LRP1B: variants seen among roughly 807,000 people sequenced by gnomAD.
LRP1B encodes LDL receptor related protein 1B, also known as low-density lipoprotein receptor-related protein 1B.
A neutral mutation model predicts 556.6 loss-of-function variants in LRP1B; 217 were observed. The ratio of observed to expected loss-of-function variants is 0.39; its 90% CI spans 0.35 to 0.44. LRP1B has a LOEUF of 0.44. Ranked by LOEUF, LRP1B falls within the 20% of genes least tolerant of loss-of-function variation. LRP1B has a pLI of 1.00. For missense variants in LRP1B, 5,053 were observed against 5,620.8 expected, an observed-to-expected ratio of 0.90 and a Z score of 3.23; for synonymous variants, 2,047 against 1,865.8, an observed-to-expected ratio of 1.10 and a Z score of -2.50.
At position 140,442,508 on chromosome 2, in the gene LRP1B, G is replaced by A. The variant is rs2105301078; in HGVS notation, c.10410C>T (p.Asn3470=). The stretch of plus-strand genomic sequence containing the variant: ...CCCAGAGTCACAGACACTCACCGCA[G>A]TTGGCCTCGTCTGATGCATCTGCAC... ...PDCADASDEA[N]CDKKTCGPHE... The change falls in exon 66 of 91, where the codon AAC becomes AAT. Residue 3470 remains asparagine (N), a synonymous_variant. Transcript: ENST00000389484. The A allele has an allele frequency of 6.2e-7, 1 of 1,611,940 alleles. No homozygotes were observed. The highest frequency in any genetic ancestry group is 8.5e-7 in the Non-Finnish European group (1 of 1,179,106).
chr2:141,053,814 GCA>G lies in LRP1B; in HGVS notation c.1552+1300_1552+1301del, dbSNP rs1250459532. The stretch of plus-strand genomic sequence containing the variant: ...TGTGTGTATGTATGTATGCACATAT[GCA>G]TGTGTGTATATATGTGTGTGTGTGT... On this transcript the variant is annotated intron_variant, in intron 10 of 90. Transcript: ENST00000389484. Among the ~76,000 whole-genome samples the G allele has an allele frequency of 1.7e-4, 20 of 120,272 alleles. 1 individual carries two copies. The highest frequency in any genetic ancestry group is 1.1e-3 in the Admixed American group (11 of 10,432). 78.9% of individuals were successfully genotyped at this position (120,272 alleles called of 152,430 possible). A position where few individuals can be genotyped will look rare whatever the true frequency, so the allele number is the denominator to read the frequency against.
At position 141,204,786 on chromosome 2, in the gene LRP1B, A is replaced by C. The variant is rs556956287; in HGVS notation, c.851-16203T>G. 3.9e-5 allele frequency among the ~76,000 whole-genome samples: 6 copies of C among 152,010 alleles called. No homozygotes were observed. The South Asian group carries it at 1.3e-3, about 32-fold the overall frequency. On this transcript the variant is annotated intron_variant, in intron 6 of 90. Transcript: ENST00000389484. ...ACCCCGTCTCTACTAAAAATACAAA[A>C]ATTAGCCAGGTGCGGTGGCAGGTGC... is the stretch of plus-strand genomic sequence containing the variant.
chr2:140,295,656 A>G (rs980213867), intron 84 of LRP1B, among the ~76,000 whole-genome samples: 1 of 152,196 alleles, frequency 6.6e-6, no homozygotes, highest in African/African-American at 2.4e-5. Flanking sequence ...TCAGAAGCCT[A>G]TTTATTTTTT....
intron 35 of LRP1B, among the ~76,000 whole-genome samples, chr2:140,768,416 A>C (rs1211192758): frequency 6.6e-6 from 1 of 151,930 alleles, no homozygotes; most frequent in Non-Finnish European, 1.5e-5. Context: ...ATGCATTTAC[A>C]TGTTCAACAT....
intron 2 of LRP1B, among the ~76,000 whole-genome samples, chr2:141,742,847 T>C (rs1002798031): frequency 1.3e-5 from 2 of 152,172 alleles, no homozygotes; most frequent in Admixed American, 6.6e-5. Flanking sequence ...TTAAACTAAT[T>C]CTAGTTATTT....
Position 141,247,363 on chromosome 2 carries a change from G to C in LRP1B, c.464-9C>G, listed in dbSNP as rs749798554. ...AGCACATTCATCTTGATCTAAAAAG[G>C]AAAATTGGCATCATTTCTAAGCAGC... On this transcript the variant is annotated splice_polypyrimidine_tract_variant and intron_variant, in intron 4 of 90. Transcript: ENST00000389484. The C allele has an allele frequency of 3.1e-5, 50 of 1,612,740 alleles. No individual in the cohort carries two copies. The East Asian group carries it at 1.1e-3, about 35-fold the overall frequency.
intron 31 of LRP1B, among the ~76,000 whole-genome samples, chr2:140,824,248 CTCTT>C (rs1292064672): frequency 6.6e-6 from 1 of 151,930 alleles, no homozygotes; most frequent in Non-Finnish European, 1.5e-5. Context: ...AGTGAAAATA[CTCTT>C]TTTTTTAAAA....
At chr2:141,024,020 G>A (rs1472893683) in intron 11 of LRP1B, among the ~76,000 whole-genome samples, 1 of 151,976 alleles carries the variant, frequency 6.6e-6, no homozygotes, top group African/African-American at 2.4e-5. Flanking sequence ...CCTAGAGTCA[G>A]CACTTGGACA....
chr2:140,246,474 A>G lies in LRP1B; in HGVS notation c.13324+612T>C, dbSNP rs148818335. On this transcript the variant is annotated intron_variant, in intron 87 of 90. Transcript: ENST00000389484. ...CTGTACACAGACACACAACGATGAT[A>G]TAGACCCACAACGATGATATAGACA... Among the ~76,000 whole-genome samples, 61 of 151,530 alleles carry G rather than the reference A, an allele frequency of 4.0e-4. No homozygotes were observed. In the East Asian group the frequency reaches 9.2e-3, roughly 23 times the overall value.
intron 1 of LRP1B, among the ~76,000 whole-genome samples, chr2:142,038,287 C>A (rs1466961470): frequency 6.6e-6 from 1 of 151,454 alleles, no homozygotes; most frequent in Non-Finnish European, 1.5e-5. Context: ...TGGGTTTGGT[C>A]CCCGATGTAA....
At chr2:141,882,965 G>T (rs1699002245) in intron 1 of LRP1B, among the ~76,000 whole-genome samples, 1 of 152,152 alleles carries the variant, frequency 6.6e-6, no homozygotes, top group Non-Finnish European at 1.5e-5. Flanking sequence ...TTCAGTAGCA[G>T]TCTCACCAAA....
chr2:141,233,697 T>A (rs1426006847), intron 5 of LRP1B, among the ~76,000 whole-genome samples: 1 of 152,154 alleles, frequency 6.6e-6, no homozygotes, highest in Admixed American at 6.5e-5. Context: ...GCTAAATAAA[T>A]GTTTTCAGGG....
In LRP1B at chr2:140,878,718, A is replaced by T. The variant is rs1312272602; in HGVS notation, c.4169+5099T>A. On this transcript the variant is annotated intron_variant, in intron 25 of 90. Transcript: ENST00000389484. Reference sequence around the variant, plus strand: ...GTAGAGAGATTTGCAAGCTTAAAAAAATAAGAGGCCAGGTGTGGTGGCTCA... The same window carrying T: ...GTAGAGAGATTTGCAAGCTTAAAAATATAAGAGGCCAGGTGTGGTGGCTCA... 4.6e-5 allele frequency among the ~76,000 whole-genome samples: 7 copies of T among 152,256 alleles called. No individual in the cohort carries two copies. The South Asian group carries it at 1.2e-3, about 27-fold the overall frequency.
At chr2:140,781,830 A>C (rs1689708546) in intron 32 of LRP1B, among the ~76,000 whole-genome samples, 1 of 152,176 alleles carries the variant, frequency 6.6e-6, no homozygotes, top group Non-Finnish European at 1.5e-5. Flanking sequence ...CCCTCATTCT[A>C]AGGCTCCTCT....
intron 49 of LRP1B, among the ~76,000 whole-genome samples, chr2:140,523,206 G>A (rs981541639): frequency 2.6e-5 from 4 of 151,974 alleles, no homozygotes; most frequent in African/African-American, 4.8e-5. Flanking sequence ...TGGGCAAGTA[G>A]GCTTTATTCC....
intron 60 of LRP1B, among the ~76,000 whole-genome samples, chr2:140,474,081 A>G (rs1687870950): frequency 6.6e-6 from 1 of 152,064 alleles, no homozygotes; most frequent in Non-Finnish European, 1.5e-5. Flanking sequence ...TTGTATTACA[A>G]TGTTCTTACC....
chr2:141,689,403 T>G (rs535607418), intron 2 of LRP1B, among the ~76,000 whole-genome samples: 11 of 151,858 alleles, frequency 7.2e-5, no homozygotes, highest in African/African-American at 2.7e-4. Flanking sequence ...CAAACTCCAT[T>G]CTGCATATGT....
intron 2 of LRP1B, among the ~76,000 whole-genome samples, chr2:141,756,764 C>G (rs1309861382): frequency 6.6e-6 from 1 of 152,054 alleles, no homozygotes; most frequent in Non-Finnish European, 1.5e-5. Flanking sequence ...TGTCTAGGTT[C>G]ATACCCTAGG....
chr2:141,391,424 C>G (rs929444037), intron 3 of LRP1B, among the ~76,000 whole-genome samples: 2 of 151,966 alleles, frequency 1.3e-5, no homozygotes, highest in African/African-American at 4.8e-5. Flanking sequence ...GAAGGGAGCA[C>G]AAACATGTGA....
Sources: gnomAD v4.1 joint callset for allele counts (sites outside exome capture counted in the v4.1 genomes callset) on GRCh38, gnomAD v4.1.1 for gene constraint, MANE v1.5 for transcripts, NCBI Gene and HGNC (gene_info 2026-07-23, HGNC 2026-07-21) for gene names.